OPCML: variants seen among roughly 807,000 people sequenced by gnomAD.
OPCML encodes the protein opioid binding protein/cell adhesion molecule like.
In OPCML, 13 loss-of-function variants were observed where a neutral mutation model predicts 37.8. The observed-to-expected ratio is 0.34, with a 90% CI of 0.22 to 0.55. The LOEUF is 0.55. Among genes scored for constraint, OPCML ranks in the 20% least tolerant of loss-of-function variants. The probability of loss-of-function intolerance (pLI) is 0.91; values close to 1 mark genes in which losing one functional copy is unlikely to be tolerated. For synonymous variants in OPCML, 176 were observed against 168.8 expected (o/e 1.04, Z -0.33); for missense variants, 341 against 435.6 (o/e 0.78, Z 1.93).
At chr11:132,464,723 A>G (rs1299620393) in intron 4 of OPCML, among the ~76,000 whole-genome samples, 3 of 152,164 alleles carry the variant, frequency 2.0e-5, no homozygotes, top group African/African-American at 7.2e-5. Context: ...TTGATTAACA[A>G]TAAATTAAAC....
chr11:132,437,144 G>T (rs1477252849), intron 5 of OPCML, 78 bp downstream of exon 5: 9 of 1,551,544 alleles, frequency 5.8e-6, no homozygotes, highest in Middle Eastern at 2.1e-4. Flanking sequence ...TTGGAAAATG[G>T]CACTGCCATT....
At chr11:133,384,711 C>A (rs560821994) in intron 1 of OPCML, among the ~76,000 whole-genome samples, 1 of 152,212 alleles carries the variant, frequency 6.6e-6, no homozygotes, top group Admixed American at 6.5e-5. Flanking sequence ...GGCTGGAGAC[C>A]AGCCTCAATA....
At chr11:133,168,381 G>T (rs957306900) in intron 1 of OPCML, among the ~76,000 whole-genome samples, 1 of 152,166 alleles carries the variant, frequency 6.6e-6, no homozygotes, top group Non-Finnish European at 1.5e-5. Flanking sequence ...AGGTGATTAT[G>T]CCAATATGGT....
chr11:133,490,759 T>C (rs1000880675), intron 1 of OPCML, among the ~76,000 whole-genome samples: 60 of 152,216 alleles, frequency 3.9e-4, no homozygotes, highest in African/African-American at 1.3e-3. Context: ...CCAGCCATAA[T>C]CCTACATCAG....
chr11:132,890,621 C>CG (rs1943603821), intron 2 of OPCML, among the ~76,000 whole-genome samples: 1 of 149,260 alleles, frequency 6.7e-6, no homozygotes, highest in Non-Finnish European at 1.5e-5. Context: ...CCGAGGCAGG[C>CG]GGATCACGAG....
chr11:132,818,423 G>C (rs960718273), intron 2 of OPCML, among the ~76,000 whole-genome samples: 2 of 151,824 alleles, frequency 1.3e-5, no homozygotes, highest in Non-Finnish European at 2.9e-5. Flanking sequence ...TAAAACAAAA[G>C]ACTCACGATC....
At chr11:132,875,649 A>G (rs1435709476) in intron 2 of OPCML, among the ~76,000 whole-genome samples, 1 of 152,010 alleles carries the variant, frequency 6.6e-6, no homozygotes, top group Non-Finnish European at 1.5e-5. Context: ...TTTCTAGTAG[A>G]GACAGGGTTT....
At chr11:133,458,163 T>C (rs866773798) in intron 1 of OPCML, among the ~76,000 whole-genome samples, 1 of 147,218 alleles carries the variant, frequency 6.8e-6, no homozygotes, top group Non-Finnish European at 1.5e-5. Flanking sequence ...AATATATATA[T>C]ACATATACAT....
intron 1 of OPCML, among the ~76,000 whole-genome samples, chr11:132,953,877 G>A (rs974156757): frequency 1.3e-5 from 2 of 152,114 alleles, no homozygotes; most frequent in East Asian, 1.9e-4. Flanking sequence ...CGAGCAAAAT[G>A]TATGTAAGGT....
At chr11:133,424,250 T>C (rs1443407043) in intron 1 of OPCML, among the ~76,000 whole-genome samples, 1 of 152,132 alleles carries the variant, frequency 6.6e-6, no homozygotes, top group Non-Finnish European at 1.5e-5. Flanking sequence ...AATTGCATCA[T>C]TTGCTGCAGG....
At chr11:132,864,502 G>A (rs529747351) in intron 2 of OPCML, among the ~76,000 whole-genome samples, 6 of 152,172 alleles carry the variant, frequency 3.9e-5, no homozygotes, top group Non-Finnish European at 7.4e-5. Flanking sequence ...CACCTCACAG[G>A]GTTCAATCAA....
At chr11:132,925,674 G>A (rs10894623) in intron 2 of OPCML, among the ~76,000 whole-genome samples, 1 of 152,010 alleles carries the variant, frequency 6.6e-6, no homozygotes, top group African/African-American at 2.4e-5. Flanking sequence ...GTTTCTGGGT[G>A]GTTTCTGCCC....
intron 1 of OPCML, among the ~76,000 whole-genome samples, chr11:133,383,795 G>A (rs772201405): frequency 7.9e-5 from 12 of 152,102 alleles, no homozygotes; most frequent in Non-Finnish European, 1.3e-4. Flanking sequence ...GAAGGGGACC[G>A]TCTGTTCCTG....
intron 1 of OPCML, among the ~76,000 whole-genome samples, chr11:133,405,159 C>A (rs1191416900): frequency 6.6e-6 from 1 of 152,156 alleles, no homozygotes; most frequent in African/African-American, 2.4e-5. Context: ...ACCTTGTTGT[C>A]CCCCAAATCC....
intron 1 of OPCML, among the ~76,000 whole-genome samples, chr11:133,328,863 T>C (rs1166418395): frequency 6.6e-6 from 1 of 152,084 alleles, no homozygotes; most frequent in Non-Finnish European, 1.5e-5. Flanking sequence ...AAATAAAGGG[T>C]ATTCAATTAG....
chr11:133,022,189 T>C (rs997863326), intron 1 of OPCML, among the ~76,000 whole-genome samples: 12 of 152,116 alleles, frequency 7.9e-5, no homozygotes, highest in African/African-American at 2.9e-4. Context: ...GATAGTGGAG[T>C]TTCAGAAGAT....
chr11:133,089,011 G>A (rs760452169), intron 1 of OPCML, among the ~76,000 whole-genome samples: 8 of 152,300 alleles, frequency 5.3e-5, no homozygotes, highest in East Asian at 3.9e-4. Flanking sequence ...AGATGAACCC[G>A]CTGATATACA....
chr11:133,272,848 C>T (rs1374994482), intron 1 of OPCML, among the ~76,000 whole-genome samples: 3 of 152,188 alleles, frequency 2.0e-5, no homozygotes, highest in Non-Finnish European at 2.9e-5. Flanking sequence ...GATCCAGACC[C>T]GGAGAAGCCA....
At chr11:133,302,824 T>G (rs1033809955) in intron 1 of OPCML, among the ~76,000 whole-genome samples, 1 of 152,196 alleles carries the variant, frequency 6.6e-6, no homozygotes, top group Non-Finnish European at 1.5e-5. Flanking sequence ...TTAGAAGAGA[T>G]TCTCACAATT....
Sources: gnomAD v4.1 joint callset for allele counts (sites outside exome capture counted in the v4.1 genomes callset) on GRCh38, gnomAD v4.1.1 for gene constraint, MANE v1.5 for transcripts, NCBI Gene and HGNC (gene_info 2026-07-23, HGNC 2026-07-21) for gene names.